Variants in RAPGEF2 observed in about 807,000 individuals in gnomAD.
The protein encoded by RAPGEF2 is PDZ domain containing guanine nucleotide exchange factor (GEF) 1.
Under a neutral mutation model 186.7 loss-of-function variants are expected in RAPGEF2, and 54 were observed. The observed-to-expected ratio is 0.29, with a 90% confidence interval of 0.23 to 0.36. The LOEUF (loss-of-function observed/expected upper bound fraction) is 0.36, where lower values mean the gene tolerates loss of function less well. RAPGEF2 is among the 10% of genes least tolerant of loss of function. RAPGEF2 has a pLI of 1.00. For synonymous variants in RAPGEF2, 712 were observed against 705.9 expected (o/e 1.01, Z -0.14); for missense variants, 1,532 against 2,045.0 (o/e 0.75, Z 4.84).
intron 4 of RAPGEF2, among the ~76,000 whole-genome samples, chr4:159,223,602 C>G (rs1751738659): frequency 6.6e-6 from 1 of 152,122 alleles, no homozygotes; most frequent in African/African-American, 2.4e-5. Flanking sequence ...GTTTTACACA[C>G]AGAAAAACCT....
In RAPGEF2 at chr4:159,245,271, CAG is replaced by C. The variant is rs1265098214; in HGVS notation, c.543+1486_543+1487del. ...TTTCAAGGCAAGTGTATGAGGTTTG[CAG>C]AGAGAATAGCATTTTAAAATGCAGT... On this transcript the variant is annotated intron_variant, in intron 7 of 29. Transcript: ENST00000691494. 2.6e-5 allele frequency among the ~76,000 whole-genome samples: 4 copies of C among 152,062 alleles called. No individual in the cohort carries two copies. The East Asian group carries it at 7.7e-4, about 29-fold the overall frequency.
chr4:159,185,267 T>G (rs1020459564), intron 1 of RAPGEF2, among the ~76,000 whole-genome samples: 11 of 152,162 alleles, frequency 7.2e-5, no homozygotes, highest in African/African-American at 2.7e-4. Context: ...GGCAGGTCCT[T>G]AAAGAGTCAA....
intron 7 of RAPGEF2, among the ~76,000 whole-genome samples, chr4:159,250,296 C>G (rs1249582561): frequency 6.6e-6 from 1 of 152,132 alleles, no homozygotes; most frequent in Non-Finnish European, 1.5e-5. Context: ...CAAATACCAC[C>G]TGTACCCCAA....
Position 159,283,327 on chromosome 4 carries a change from TC to T in RAPGEF2, c.544-21013del, listed in dbSNP as rs146286852. 8.0e-3 allele frequency among the ~76,000 whole-genome samples: 1,215 copies of T among 152,304 alleles called. 26 individuals carry two copies. Among genetic ancestry groups the T allele is most frequent in the African/African-American group, 0.028 (1,148 of 41,572 alleles). On this transcript the variant is annotated intron_variant, in intron 7 of 29. Coordinates refer to ENST00000691494, the MANE Select transcript of RAPGEF2 (RefSeq NM_001394067.2). ...TTTCCAATGTGTTCTTTATTTCTTT[TC>T]CAAAATTTAAGTTATATCTACTACA...
chr4:159,332,322 T>C lies in RAPGEF2; in HGVS notation c.1889-129T>C. On this transcript the variant is annotated intron_variant, in intron 16 of 29. Coordinates refer to ENST00000691494, the MANE Select transcript of RAPGEF2 (RefSeq NM_001394067.2). ...CGTTTACTGTGTGATACTGTTTTTC[T>C]GCAGGTTTGCAGTTTTGATAACTGA... 4.2e-6 allele frequency: 4 copies of C among 957,612 alleles called. No homozygotes were observed. In the East Asian group the frequency reaches 9.9e-5, roughly 24 times the overall value. 59.3% of individuals were successfully genotyped at this position (957,612 alleles called of 1,614,324 possible).
rs1331949789 is a variant in RAPGEF2 at position 159,283,408 on chromosome 4, T to C, written c.544-20934T>C. Among the ~76,000 whole-genome samples the C allele has an allele frequency of 3.3e-5, 5 of 152,232 alleles. No homozygotes were observed. The East Asian group carries it at 5.8e-4, about 18-fold the overall frequency. ...TTTTGTTATTGGTTCAGATGTGTTA[T>C]CTGCATGGTGTGAAGCATCCAGGAT... On this transcript the variant is annotated intron_variant, in intron 7 of 29. Coordinates refer to ENST00000691494, the MANE Select transcript of RAPGEF2 (RefSeq NM_001394067.2).
chr4:159,231,846 C>G (rs545685647), intron 4 of RAPGEF2, among the ~76,000 whole-genome samples: 2 of 152,136 alleles, frequency 1.3e-5, no homozygotes, highest in African/African-American at 4.8e-5. Context: ...AATGGATACT[C>G]GACCTGTCTT....
chr4:159,198,317 TC>T (rs1749001586), intron 3 of RAPGEF2, among the ~76,000 whole-genome samples: 1 of 41,794 alleles, frequency 2.4e-5, no homozygotes, highest in African/African-American at 2.0e-4. Context: ...TTTCTTTCTT[TC>T]TTTCTTTCTT....
intron 2 of RAPGEF2, among the ~76,000 whole-genome samples, chr4:159,192,611 A>G (rs1313870683): frequency 6.6e-6 from 1 of 152,214 alleles, no homozygotes; most frequent in Non-Finnish European, 1.5e-5. Context: ...AAAATTATTC[A>G]TGTTTTTCAT....
At position 159,342,658 on chromosome 4, in the gene RAPGEF2, G is replaced by A. The variant is rs184069931; in HGVS notation, c.2919-321G>A. On this transcript the variant is annotated intron_variant, in intron 20 of 29. Coordinates refer to ENST00000691494, the MANE Select transcript of RAPGEF2 (RefSeq NM_001394067.2). Reference sequence around the variant, plus strand: ...GCTCAGTCGGTTTTATCAAATGGCCGCTATGGGCTAAGCACTGCTATGTGT... The same window carrying A: ...GCTCAGTCGGTTTTATCAAATGGCCACTATGGGCTAAGCACTGCTATGTGT... Among the ~76,000 whole-genome samples the A allele has an allele frequency of 6.2e-5, 9 of 145,158 alleles. No individual in the cohort carries two copies. The East Asian group carries it at 8.0e-4, about 13-fold the overall frequency.
chr4:159,125,001 T>C (rs1740130949), intron 1 of RAPGEF2, among the ~76,000 whole-genome samples: 1 of 152,172 alleles, frequency 6.6e-6, no homozygotes, highest in Non-Finnish European at 1.5e-5. Flanking sequence ...CTAACTTTCT[T>C]GAAACTGTCT....
chr4:159,294,631 ATTTCTTCC>A lies in RAPGEF2; in HGVS notation c.544-9708_544-9701del, dbSNP rs1279850784. Among the ~76,000 whole-genome samples, 172 of 85,692 alleles carry A rather than the reference ATTTCTTCC, an allele frequency of 2.0e-3. 2 individuals carry two copies. Among genetic ancestry groups the A allele is most frequent in the South Asian group, 4.6e-3 (12 of 2,596 alleles). The allele number at this position is 85,692 out of a possible 152,430, so 56.2% of individuals were successfully genotyped here. On this transcript the variant is annotated intron_variant, in intron 7 of 29. Coordinates refer to ENST00000691494, the MANE Select transcript of RAPGEF2 (RefSeq NM_001394067.2). Reference sequence around the variant, plus strand: ...AGCCACTTGAGCTCTTTGAGCTTCCATTTCTTCCTTCCTTCCTTCCTTCCTTCCTTCCT... The same window carrying A: ...AGCCACTTGAGCTCTTTGAGCTTCCATTCCTTCCTTCCTTCCTTCCTTCCT...
chr4:159,260,199 T>C (rs528751332), intron 7 of RAPGEF2, among the ~76,000 whole-genome samples: 1 of 152,090 alleles, frequency 6.6e-6, no homozygotes, highest in East Asian at 1.9e-4. Context: ...ACACTAGTCT[T>C]GAACTCCTAA....
chr4:159,252,386 T>G (rs1384675009), intron 7 of RAPGEF2, among the ~76,000 whole-genome samples: 1 of 152,178 alleles, frequency 6.6e-6, no homozygotes, highest in African/African-American at 2.4e-5. Context: ...AAAAAAATGT[T>G]TCAATCATCA....
rs572213685 is a variant in RAPGEF2 at position 159,259,970 on chromosome 4, C to A, written c.543+16179C>A. 7.2e-5 allele frequency among the ~76,000 whole-genome samples: 11 copies of A among 151,972 alleles called. No individual in the cohort carries two copies. In the South Asian group the frequency reaches 2.3e-3, roughly 32 times the overall value. On this transcript the variant is annotated intron_variant, in intron 7 of 29. Transcript: ENST00000691494. The stretch of plus-strand genomic sequence containing the variant: ...GAAAACTTCTATTGTCCTATTATCA[C>A]TGTAGTTTGTTTTTATTATTATTTA...
At chr4:159,204,018 G>T (rs922951642) in intron 3 of RAPGEF2, among the ~76,000 whole-genome samples, 46 of 152,136 alleles carry the variant, frequency 3.0e-4, no homozygotes, top group African/African-American at 1.1e-3. Context: ...CTGCCAGGGG[G>T]TTTGGACCTT....
intron 3 of RAPGEF2, among the ~76,000 whole-genome samples, chr4:159,195,065 G>C (rs1020613287): frequency 6.6e-6 from 1 of 152,170 alleles, no homozygotes; most frequent in Non-Finnish European, 1.5e-5. Flanking sequence ...TGCAACATGT[G>C]AAACTATGAC....
rs938374904 is a variant in RAPGEF2 at position 159,353,283 on chromosome 4, A to G, written c.4092-204A>G. ...ATGGCACGTTGCGTTCTTTTCCCGC[A>G]TGCCTGTTTTATAGTAATGATAAAG... On this transcript the variant is annotated intron_variant, in intron 27 of 29. Coordinates refer to ENST00000691494, the MANE Select transcript of RAPGEF2 (RefSeq NM_001394067.2). The surrounding 1 kb of genome is among the most constrained non-coding windows in gnomAD (Gnocchi z 4.3). Among the ~76,000 whole-genome samples the G allele has an allele frequency of 6.6e-6, 1 of 150,938 alleles. No homozygotes were observed. The highest frequency in any genetic ancestry group is 2.1e-4 in the South Asian group (1 of 4,764).
chr4:159,351,121 T>C (rs1443648118), intron 26 of RAPGEF2: 3 of 1,535,340 alleles, frequency 2.0e-6, no homozygotes, highest in Admixed American at 2.0e-5. Context: ...CAGTTCCTCC[T>C]CTTCTCTTGG....
Sources: gnomAD v4.1 joint callset for allele counts (sites outside exome capture counted in the v4.1 genomes callset) on GRCh38, gnomAD v4.1.1 for gene constraint, Gnocchi (gnomAD v3.1) non-coding constraint, MANE v1.5 for transcripts, NCBI Gene and HGNC (gene_info 2026-07-23, HGNC 2026-07-21) for gene names.